Variants in VLDLR observed in about 807,000 individuals in gnomAD.
VLDLR encodes very low density lipoprotein receptor, also known as very low-density lipoprotein receptor.
VLDLR carries 81 observed loss-of-function variants against 112.7 expected under a neutral mutation model. The ratio of observed to expected loss-of-function variants is 0.72; its 90% CI spans 0.60 to 0.86. The LOEUF is 0.86. Ranked by LOEUF, VLDLR falls within the 40% of genes least tolerant of loss-of-function variation. The pLI is 0.00. For missense variants in VLDLR, 1,237 were observed against 1,099.4 expected, an observed-to-expected ratio of 1.13 and a Z score of -1.77; for synonymous variants, 436 against 384.8, an observed-to-expected ratio of 1.13 and a Z score of -1.56.
chr9:2,643,555 T>C, intron 5 of VLDLR, 24 bp downstream of exon 5: 1 of 1,614,232 alleles, frequency 6.2e-7, no homozygotes, highest in East Asian at 2.2e-5. Context: ...TAGCATGGCA[T>C]GTTCAGTTCT....
chr9:2,622,345 T>C, intron 1 of VLDLR, 74 bp downstream of exon 1: 1 of 1,315,950 alleles, frequency 7.6e-7, no homozygotes, highest in South Asian at 1.7e-5. Context: ...GGCGTAGGTC[T>C]CCGTTTGCCC....
chr9:2,633,892 A>G lies in VLDLR; in HGVS notation c.83-1561A>G, dbSNP rs112096592. Among the ~76,000 whole-genome samples, 245 of 152,310 alleles carry G rather than the reference A, an allele frequency of 1.6e-3. 1 individual carries two copies. The highest frequency in any genetic ancestry group is 5.6e-3 in the African/African-American group (233 of 41,578). On this transcript the variant is annotated intron_variant, in intron 1 of 18. Coordinates refer to ENST00000382100, the MANE Select transcript of VLDLR (RefSeq NM_003383.5). ...GCACCAGGTACCTCAGATTTGGTTTAGCAGTATAAAACAACACAGGTGATG... is the reference window on the plus strand; with the variant it reads ...GCACCAGGTACCTCAGATTTGGTTTGGCAGTATAAAACAACACAGGTGATG...
intron 1 of VLDLR, among the ~76,000 whole-genome samples, chr9:2,627,097 A>T (rs1331280567): frequency 6.6e-6 from 1 of 152,180 alleles, no homozygotes; most frequent in Non-Finnish European, 1.5e-5. Flanking sequence ...TTAGTCTAGT[A>T]GGGGAATCAA....
chr9:2,652,780 T>C lies in VLDLR; in HGVS notation c.2417T>C (p.Leu806Ser). The C allele has an allele frequency of 6.2e-7, 1 of 1,614,110 alleles. No homozygotes were observed. The highest frequency in any genetic ancestry group is 8.5e-7 in the Non-Finnish European group (1 of 1,179,978). ...TSAAWAILPL[L>S]LLVMAAVGGY... ...TTAGCTACCCTCTGATTTTTTTCAG[T>C]GCTCTTAGTGATGGCAGCAGTAGGT... The change falls in exon 18 of 19, where the codon TTG becomes TCG. Residue 806 changes from leucine (L) to serine (S), a missense_variant and splice_region_variant. Transcript: ENST00000382100.
In VLDLR at chr9:2,643,419, C is replaced by T. The variant is rs199827665; in HGVS notation, c.708C>T (p.His236=). 10 of 1,614,206 alleles carry T rather than the reference C, an allele frequency of 6.2e-6. No individual in the cohort carries two copies. Among genetic ancestry groups the T allele is most frequent in the Admixed American group, 1.7e-5 (1 of 60,028 alleles). Residue 236 remains histidine (H), a synonymous_variant, in exon 5 of 19, where the codon CAC becomes CAT. Transcript: ENST00000382100. The part of the protein sequence containing the change: ...LEQCGRQPVI[H]TKCPASEIQC... ...AGTGTGGCCGTCAGCCAGTCATACA[C>T]ACCAAGTGTCCAGCCAGCGAAATCC...
chr9:2,632,109 C>T (rs552212943), intron 1 of VLDLR, among the ~76,000 whole-genome samples: 1 of 152,154 alleles, frequency 6.6e-6, no homozygotes, highest in Non-Finnish European at 1.5e-5. Context: ...CTTCCAACCC[C>T]CTCACCCAAA....
At position 2,654,883 on chromosome 9, in the gene VLDLR, T is replaced by C. The variant is rs1818534806; in HGVS notation, c.*1015T>C. 6.8e-6 allele frequency: 1 copy of C among 147,520 alleles called. No homozygotes were observed. The highest frequency in any genetic ancestry group is 2.5e-5 in the African/African-American group (1 of 40,656). The allele number at this position is 147,520 out of a possible 1,614,324, so 9.1% of individuals were successfully genotyped here. ...TTCTAAGGCATGGATAAGGGCTTTC[T>C]TCTTATGAAAGTCTAGACTGTCTTA... is the stretch of plus-strand genomic sequence containing the variant. On this transcript the variant is annotated 3_prime_UTR_variant, in exon 19 of 19. Transcript: ENST00000382100.
In VLDLR at chr9:2,622,180, G is replaced by A. The variant is rs771987042; in HGVS notation, c.-10G>A. The A allele has an allele frequency of 6.7e-7, 1 of 1,485,356 alleles. No homozygotes were observed. Among genetic ancestry groups the A allele is most frequent in the South Asian group, 1.3e-5 (1 of 78,150 alleles). The allele number at this position is 1,485,356 out of a possible 1,614,324, so 92.0% of individuals were successfully genotyped here. ...GCGGCGGCGGCGGCGGCACCATCCAGGCGGGCACCATGGGCACGTCCGCGC... is the reference window on the plus strand; with the variant it reads ...GCGGCGGCGGCGGCGGCACCATCCAAGCGGGCACCATGGGCACGTCCGCGC... On this transcript the variant is annotated 5_prime_UTR_variant, in exon 1 of 19. Transcript: ENST00000382100.
Position 2,651,438 on chromosome 9 carries a change from A to G in VLDLR, c.2275A>G (p.Ser759Gly). 6.2e-7 allele frequency: 1 copy of G among 1,614,036 alleles called. No individual in the cohort carries two copies. The highest frequency in any genetic ancestry group is 8.5e-7 in the Non-Finnish European group (1 of 1,179,948). The change falls in exon 16 of 19, where the codon AGT becomes GGT. Residue 759 changes from serine (S) to glycine (G), a missense_variant. Coordinates refer to ENST00000382100, the MANE Select transcript of VLDLR (RefSeq NM_003383.5). ...CQSTATTVTYSETKDTNTTEI... is the reference protein window; with the variant it reads ...CQSTATTVTYGETKDTNTTEI... ...AGGTACTGCAACTACTGTGACTTAC[A>G]GTGAGACAAAAGATACGAACACAAC...
At chr9:2,638,898 G>GGCTAAAAT (rs146770210) in intron 2 of VLDLR, among the ~76,000 whole-genome samples, 1,971 of 152,262 alleles carry the variant, frequency 0.013, 40 homozygotes, top group African/African-American at 0.044. Context: ...TGGCTAGAAA[G>GGCTAAAAT]GCTAAAATCT....
intron 2 of VLDLR, among the ~76,000 whole-genome samples, chr9:2,637,260 T>A (rs998952048): frequency 6.6e-6 from 1 of 152,238 alleles, no homozygotes; most frequent in African/African-American, 2.4e-5. Flanking sequence ...TAGTCTAACC[T>A]CTTAATATGG....
chr9:2,634,169 C>A (rs1817495474), intron 1 of VLDLR, among the ~76,000 whole-genome samples: 1 of 152,114 alleles, frequency 6.6e-6, no homozygotes, highest in Non-Finnish European at 1.5e-5. Context: ...AAATTTTAAT[C>A]TCCCTGGGAA....
intron 2 of VLDLR, among the ~76,000 whole-genome samples, chr9:2,639,346 T>G (rs968211825): frequency 2.0e-5 from 3 of 152,192 alleles, no homozygotes; most frequent in African/African-American, 7.2e-5. Context: ...GGCTCCACCC[T>G]CATGACTTAA....
intron 1 of VLDLR, among the ~76,000 whole-genome samples, chr9:2,633,045 AGAGAGAGTGTGTGTGTGTGT>A: frequency 8.8e-6 from 1 of 113,782 alleles, no homozygotes; most frequent in Non-Finnish European, 1.7e-5. Flanking sequence ...AGAGAGAGAG[AGAGAGAGTGTGTGTGTGTGT>A]GTGTGTGTGT....
rs1818588872 is a variant in VLDLR at position 2,655,984 on chromosome 9, TC to T, written c.*2119del. The T allele has an allele frequency of 6.6e-6, 1 of 152,008 alleles. No homozygotes were observed. Among genetic ancestry groups the T allele is most frequent in the African/African-American group, 2.4e-5 (1 of 41,356 alleles). 9.4% of individuals were successfully genotyped at this position (152,008 alleles called of 1,614,324 possible). A position where few individuals can be genotyped will look rare whatever the true frequency, so the allele number is the denominator to read the frequency against. On this transcript the variant is annotated 3_prime_UTR_variant, in exon 19 of 19. Transcript: ENST00000382100. ...TTTTTTAACTGGAGTAATACCAAAT[TC>T]CCTTTAGAAGCTTGAAGTTTGATAC...
At chr9:2,653,652 G>A (rs1169138531) in intron 18 of VLDLR, among the ~76,000 whole-genome samples, 181 bp from the exon 19 acceptor site, 1 of 152,188 alleles carries the variant, frequency 6.6e-6, no homozygotes. Flanking sequence ...AGCAGGTATA[G>A]TTGAATTCAA....
chr9:2,628,421 C>T (rs1195332696), intron 1 of VLDLR, among the ~76,000 whole-genome samples: 2 of 152,134 alleles, frequency 1.3e-5, no homozygotes, highest in Non-Finnish European at 2.9e-5. Context: ...GAGTGGGTCC[C>T]CTTTGAGCTG....
In VLDLR at chr9:2,651,948, C is replaced by T. The variant is rs1189371288; in HGVS notation, c.2410C>T (p.Pro804Ser). 1.2e-6 allele frequency: 2 copies of T among 1,613,912 alleles called. No individual in the cohort carries two copies. Among genetic ancestry groups the T allele is most frequent in the Non-Finnish European group, 1.7e-6 (2 of 1,179,948 alleles). ...GACTTCTGCCGCATGGGCCATTCTTCCTCTCTGTAAGTAGATTTCCTACAA... is the reference window on the plus strand; with the variant it reads ...GACTTCTGCCGCATGGGCCATTCTTTCTCTCTGTAAGTAGATTTCCTACAA... ...KGTSAAWAIL[P>S]LLLLVMAAVG... Residue 804 changes from proline (P) to serine (S), a missense_variant, in exon 17 of 19, where the codon CCT becomes TCT. Coordinates refer to ENST00000382100, the MANE Select transcript of VLDLR (RefSeq NM_003383.5).
chr9:2,624,314 CTTAA>C (rs1816982502), intron 1 of VLDLR, among the ~76,000 whole-genome samples: 5 of 152,222 alleles, frequency 3.3e-5, no homozygotes, highest in African/African-American at 1.2e-4. Context: ...CGGCATCTGT[CTTAA>C]GTTCAAAGTC....
Sources: gnomAD v4.1 joint callset for allele counts (sites outside exome capture counted in the v4.1 genomes callset) on GRCh38, gnomAD v4.1.1 for gene constraint, MANE v1.5 for transcripts, NCBI Gene and HGNC (gene_info 2026-07-23, HGNC 2026-07-21) for gene names.